The following SNX24 variants were observed in gnomAD, a reference collection of about 807,000 sequenced individuals.
The protein encoded by SNX24 is sorting nexin 24.
SNX24 carries 22 observed loss-of-function variants against 28.7 expected under a neutral mutation model. The observed-to-expected ratio is 0.77, with a 90% CI of 0.55 to 1.10. SNX24 has a LOEUF of 1.10. SNX24 is among the 50% of genes least tolerant of loss of function. The probability of loss-of-function intolerance (pLI) is 0.00; values close to 1 mark genes in which losing one functional copy is unlikely to be tolerated. For synonymous variants in SNX24, 69 were observed against 71.5 expected (o/e 0.96, Z 0.18); for missense variants, 221 against 201.1 (o/e 1.10, Z -0.60).
At chr5:122,983,007 T>A (rs1761454695) in intron 3 of SNX24, 1 of 152,142 alleles carries the variant, frequency 6.6e-6, no homozygotes, top group African/African-American at 2.4e-5. Context: ...TTGATCTGCT[T>A]CTCCAAATAG....
chr5:122,931,237 A>G (rs752632583), intron 1 of SNX24, among the ~76,000 whole-genome samples: 44 of 152,182 alleles, frequency 2.9e-4, no homozygotes, highest in Non-Finnish European at 5.3e-4. Context: ...AATAGAGGAA[A>G]CGTGACTTCA....
At chr5:122,856,399 G>A (rs1330232990) in intron 1 of SNX24, among the ~76,000 whole-genome samples, 1 of 152,010 alleles carries the variant, frequency 6.6e-6, no homozygotes, top group East Asian at 1.9e-4. Context: ...TTGACTTCAT[G>A]TTTTTGCTAC....
At chr5:122,881,490 G>A (rs193163816) in intron 1 of SNX24, among the ~76,000 whole-genome samples, 1 of 152,214 alleles carries the variant, frequency 6.6e-6, no homozygotes, top group East Asian at 1.9e-4. Flanking sequence ...CGGACCAGGG[G>A]ATTCATACGC....
chr5:122,878,746 A>T (rs2150058541), intron 1 of SNX24, among the ~76,000 whole-genome samples: 1 of 152,252 alleles, frequency 6.6e-6, no homozygotes, highest in Middle Eastern at 3.4e-3. Context: ...CCAAGGTGGG[A>T]GGATTACTTG....
At chr5:122,959,219 A>G (rs532526242) in intron 3 of SNX24, among the ~76,000 whole-genome samples, 64 of 149,478 alleles carry the variant, frequency 4.3e-4, no homozygotes, top group South Asian at 4.0e-3. Flanking sequence ...GTCTTGGTAT[A>G]TTTTGTGTTT....
intron 2 of SNX24, among the ~76,000 whole-genome samples, chr5:122,945,772 A>T (rs1356785062): frequency 6.6e-6 from 1 of 152,168 alleles, no homozygotes; most frequent in Admixed American, 6.5e-5. Context: ...TTATTCATTT[A>T]TTAGGCTTTT....
chr5:122,988,865 A>T (rs970332148), intron 3 of SNX24, among the ~76,000 whole-genome samples: 2 of 152,038 alleles, frequency 1.3e-5, no homozygotes, highest in African/African-American at 4.8e-5. Flanking sequence ...CTTTTTATAG[A>T]CTGTGCATGA....
chr5:122,913,488 G>A (rs546801124), intron 1 of SNX24, among the ~76,000 whole-genome samples: 7 of 151,822 alleles, frequency 4.6e-5, no homozygotes, highest in African/African-American at 1.7e-4. Flanking sequence ...TGGCGTAGAC[G>A]CTCCTCACTT....
intron 3 of SNX24, among the ~76,000 whole-genome samples, chr5:122,947,409 G>A (rs181356423): frequency 4.6e-5 from 7 of 152,218 alleles, no homozygotes; most frequent in Admixed American, 4.6e-4. Flanking sequence ...CCAGAATTCC[G>A]TTCCTGGCCC....
chr5:122,859,860 A>G (rs1006784409), intron 1 of SNX24, among the ~76,000 whole-genome samples: 3 of 152,214 alleles, frequency 2.0e-5, no homozygotes, highest in Admixed American at 6.5e-5. Context: ...CTTCTAGGCT[A>G]TAAGTGAATT....
chr5:122,869,735 A>C (rs74343646), intron 1 of SNX24, among the ~76,000 whole-genome samples: 1,692 of 152,320 alleles, frequency 0.011, 12 homozygotes, highest in Non-Finnish European at 0.018. Context: ...TGGAAATCAA[A>C]TCTGCTTTTT....
At chr5:122,927,040 T>C (rs1272772317) in intron 1 of SNX24, among the ~76,000 whole-genome samples, 1 of 152,256 alleles carries the variant, frequency 6.6e-6, no homozygotes, top group African/African-American at 2.4e-5. Context: ...AAGTTAATAA[T>C]ATGAATAGGT....
intron 1 of SNX24, among the ~76,000 whole-genome samples, chr5:122,921,682 G>T (rs1009518270): frequency 2.0e-5 from 3 of 152,008 alleles, no homozygotes; most frequent in Non-Finnish European, 4.4e-5. Flanking sequence ...GTTTTCAGAT[G>T]TTGGATGCTT....
At chr5:122,999,063 G>A (rs1169973366) in intron 3 of SNX24, among the ~76,000 whole-genome samples, 1 of 151,644 alleles carries the variant, frequency 6.6e-6, no homozygotes, top group Non-Finnish European at 1.5e-5. Flanking sequence ...GGGGGAGGGG[G>A]AGGGGGAGGT....
At chr5:122,965,266 C>T (rs940610549) in intron 3 of SNX24, among the ~76,000 whole-genome samples, 1 of 152,152 alleles carries the variant, frequency 6.6e-6, no homozygotes, top group South Asian at 2.1e-4. Flanking sequence ...TAACCTTGCC[C>T]TCTCACACAG....
intron 5 of SNX24, among the ~76,000 whole-genome samples, chr5:123,021,779 C>T (rs528452033): frequency 5.9e-5 from 9 of 152,312 alleles, no homozygotes; most frequent in East Asian, 1.9e-4. Context: ...CCTCTGACCG[C>T]GCCCCTATCC....
chr5:123,025,133 C>T (rs1202790056), intron 5 of SNX24, among the ~76,000 whole-genome samples: 1 of 152,142 alleles, frequency 6.6e-6, no homozygotes, highest in Non-Finnish European at 1.5e-5. Flanking sequence ...TTGTTTTCAA[C>T]TATTTTATTT....
intron 5 of SNX24, among the ~76,000 whole-genome samples, chr5:123,021,112 C>CT (rs369156255): frequency 1.3e-5 from 2 of 151,468 alleles, no homozygotes; most frequent in African/African-American, 2.4e-5. Flanking sequence ...GTTCCCCCCC[C>CT]GTCCCCATGG....
intron 1 of SNX24, among the ~76,000 whole-genome samples, chr5:122,895,817 CACAA>C (rs1222791722): frequency 2.0e-5 from 3 of 152,034 alleles, no homozygotes; most frequent in Non-Finnish European, 2.9e-5. Context: ...AGACTAAATA[CACAA>C]ACAAAAATGC....
Sources: allele counts gnomAD v4.1 joint callset (sites outside exome capture counted in the v4.1 genomes callset), GRCh38; gene constraint gnomAD v4.1.1; transcripts MANE v1.5; gene names NCBI Gene and HGNC (gene_info 2026-07-23, HGNC 2026-07-21).